The following PTGFR variants were observed in gnomAD, a reference collection of about 807,000 sequenced individuals.
PTGFR encodes prostaglandin F2-alpha receptor.
In PTGFR, 15 loss-of-function variants were observed where a neutral mutation model predicts 26.2. The ratio of observed to expected loss-of-function variants is 0.57; its 90% CI spans 0.38 to 0.88. The LOEUF (loss-of-function observed/expected upper bound fraction) is 0.88, where lower values mean the gene tolerates loss of function less well. Ranked by LOEUF, PTGFR falls within the 40% of genes least tolerant of loss-of-function variation. The pLI, the probability that PTGFR is intolerant of heterozygous loss-of-function variation, is 0.00. For missense variants in PTGFR, 369 were observed against 427.2 expected, an observed-to-expected ratio of 0.86 and a Z score of 1.20; for synonymous variants, 165 against 151.1, an observed-to-expected ratio of 1.09 and a Z score of -0.68.
rs184906074 is a variant in PTGFR at position 78,517,885 on chromosome 1, A to T, written c.799-18521A>T. Among the ~76,000 whole-genome samples the T allele has an allele frequency of 1.4e-3, 218 of 152,224 alleles. 1 individual carries two copies. The highest frequency in any genetic ancestry group is 4.9e-3 in the African/African-American group (202 of 41,540). ...TATAGCAGAAAGTTTTATTTCGGAA[A>T]TTTTTTTTGTTAGAAATTTCATTTA... On this transcript the variant is annotated intron_variant, in intron 2 of 2. Transcript: ENST00000370757.
chr1:78,498,977 T>G (rs893621920), intron 2 of PTGFR, among the ~76,000 whole-genome samples: 6 of 152,166 alleles, frequency 3.9e-5, no homozygotes, highest in African/African-American at 1.4e-4. Flanking sequence ...TCAAAATTCA[T>G]ATCCAGCAGA....
chr1:78,513,481 AGCAAAGCATTTAAGAAATG>A lies in PTGFR; in HGVS notation c.798+19944_798+19962del, dbSNP rs563791240. On this transcript the variant is annotated intron_variant, in intron 2 of 2. Transcript: ENST00000370757. The stretch of plus-strand genomic sequence containing the variant: ...TATCTTGCAGAAGAAATCTCTAAGC[AGCAAAGCATTTAAGAAATG>A]GCATGACTACTTCTAACAACTTATA... Among the ~76,000 whole-genome samples the A allele has an allele frequency of 3.0e-3, 452 of 152,336 alleles. 3 individuals are homozygous for A. The highest frequency in any genetic ancestry group is 0.011 in the African/African-American group (442 of 41,588).
chr1:78,514,145 G>A lies in PTGFR; in HGVS notation c.798+20604G>A, dbSNP rs562093390. ...AGGCACTGCCTAGTGGAACTGTGGG[G>A]AGGGGGCCACCATCCTCTAGACCCC... On this transcript the variant is annotated intron_variant, in intron 2 of 2. Coordinates refer to ENST00000370757, the MANE Select transcript of PTGFR (RefSeq NM_000959.4). Among the ~76,000 whole-genome samples the A allele has an allele frequency of 1.0e-3, 159 of 152,296 alleles. 2 individuals are homozygous for A. Among genetic ancestry groups the A allele is most frequent in the African/African-American group, 3.7e-3 (152 of 41,562 alleles).
chr1:78,525,505 T>C (rs1363808914), intron 2 of PTGFR, among the ~76,000 whole-genome samples: 1 of 152,052 alleles, frequency 6.6e-6, no homozygotes, highest in Non-Finnish European at 1.5e-5. Flanking sequence ...ATGTTTCACC[T>C]CCTACTATAT....
chr1:78,498,809 G>C lies in PTGFR; in HGVS notation c.798+5268G>C, dbSNP rs561551900. 6.6e-5 allele frequency among the ~76,000 whole-genome samples: 10 copies of C among 152,246 alleles called. No individual in the cohort carries two copies. The South Asian group carries it at 2.1e-3, about 32-fold the overall frequency. ...TACTCTTGGATTTCTGCTGATTTCAGAGGCAATATTTTCATAAATCATTTT... is the reference window on the plus strand; with the variant it reads ...TACTCTTGGATTTCTGCTGATTTCACAGGCAATATTTTCATAAATCATTTT... On this transcript the variant is annotated intron_variant, in intron 2 of 2. Coordinates refer to ENST00000370757, the MANE Select transcript of PTGFR (RefSeq NM_000959.4).
chr1:78,497,530 T>C (rs535679701), intron 2 of PTGFR, among the ~76,000 whole-genome samples: 1 of 152,306 alleles, frequency 6.6e-6, no homozygotes, highest in East Asian at 1.9e-4. Context: ...TATTCTTTTG[T>C]TTCTACTTTT....
At chr1:78,494,844 T>G (rs1049598979) in intron 2 of PTGFR, among the ~76,000 whole-genome samples, 1 of 152,158 alleles carries the variant, frequency 6.6e-6, no homozygotes, top group Non-Finnish European at 1.5e-5. Context: ...GACCTCGTAA[T>G]CCTTCCGCCT....
chr1:78,525,579 T>C (rs1259979574), intron 2 of PTGFR, among the ~76,000 whole-genome samples: 2 of 151,914 alleles, frequency 1.3e-5, no homozygotes, highest in Non-Finnish European at 2.9e-5. Context: ...TTTAATTACA[T>C]TTTGGTATGT....
intron 2 of PTGFR, among the ~76,000 whole-genome samples, chr1:78,529,514 C>A (rs750416706): frequency 6.6e-4 from 101 of 152,040 alleles, no homozygotes; most frequent in Non-Finnish European, 2.6e-4. Flanking sequence ...AAGTAAAATG[C>A]CTCAAATTCC....
intron 2 of PTGFR, among the ~76,000 whole-genome samples, chr1:78,530,529 C>G (rs1287289140): frequency 6.6e-6 from 1 of 152,128 alleles, no homozygotes; most frequent in Non-Finnish European, 1.5e-5. Context: ...GGCTAACACA[C>G]AAATCCTTAG....
At chr1:78,514,941 T>C (rs1277016634) in intron 2 of PTGFR, among the ~76,000 whole-genome samples, 1 of 152,146 alleles carries the variant, frequency 6.6e-6, no homozygotes, top group African/African-American at 2.4e-5. Context: ...GTTAGTTTTC[T>C]TAGGCCTTTA....
chr1:78,526,693 A>C (rs1650382826), intron 2 of PTGFR, among the ~76,000 whole-genome samples: 1 of 152,130 alleles, frequency 6.6e-6, no homozygotes, highest in Non-Finnish European at 1.5e-5. Context: ...CACAGTGAGC[A>C]ATCCTTAGTC....
intron 2 of PTGFR, among the ~76,000 whole-genome samples, chr1:78,517,432 T>C (rs554496801): frequency 7.2e-5 from 11 of 152,176 alleles, no homozygotes; most frequent in African/African-American, 2.6e-4. Context: ...TAAAGATTGA[T>C]AAGTGCTGTG....
At chr1:78,509,090 C>T (rs1316551062) in intron 2 of PTGFR, among the ~76,000 whole-genome samples, 1 of 152,124 alleles carries the variant, frequency 6.6e-6, no homozygotes, top group Admixed American at 6.5e-5. Context: ...GGAATTCTGA[C>T]ATTAAAAAAA....
intron 2 of PTGFR, among the ~76,000 whole-genome samples, chr1:78,531,665 C>T (rs188278016): frequency 1.3e-5 from 2 of 151,456 alleles, no homozygotes; most frequent in African/African-American, 4.8e-5. Context: ...ATTTTTTTAC[C>T]TTAAATCCAA....
chr1:78,522,051 T>C (rs573994688), intron 2 of PTGFR, among the ~76,000 whole-genome samples: 14 of 149,656 alleles, frequency 9.4e-5, no homozygotes, highest in African/African-American at 3.5e-4. Context: ...TGTTACAGGC[T>C]TGGGGGAAGA....
At chr1:78,492,611 G>C in intron 1 of PTGFR, 61 bp from the exon 2 acceptor site, 1 of 884,188 alleles carries the variant, frequency 1.1e-6, no homozygotes, top group Non-Finnish European at 1.7e-6. Flanking sequence ...GGGCACGTCA[G>C]TCATAAACGT....
At chr1:78,494,707 G>A (rs1649501688) in intron 2 of PTGFR, among the ~76,000 whole-genome samples, 5 of 152,226 alleles carry the variant, frequency 3.3e-5, no homozygotes, top group Admixed American at 3.3e-4. Context: ...CCAGGTTCAA[G>A]CAATTCTCTT....
At chr1:78,499,857 C>T (rs1649657465) in intron 2 of PTGFR, among the ~76,000 whole-genome samples, 1 of 152,116 alleles carries the variant, frequency 6.6e-6, no homozygotes. Flanking sequence ...GGTGGCTTTA[C>T]TCTACATTAT....
Sources: gnomAD v4.1 joint callset for allele counts (sites outside exome capture counted in the v4.1 genomes callset) on GRCh38, gnomAD v4.1.1 for gene constraint, MANE v1.5 for transcripts, NCBI Gene and HGNC (gene_info 2026-07-23, HGNC 2026-07-21) for gene names.